The following PTPRN2 variants were observed in gnomAD, a reference collection of about 807,000 sequenced individuals.
PTPRN2 encodes the protein receptor-type tyrosine-protein phosphatase N2.
PTPRN2 carries 74 observed loss-of-function variants against 118.8 expected under a neutral mutation model. The observed-to-expected ratio is 0.62, with a 90% confidence interval of 0.52 to 0.76. The LOEUF is 0.76. PTPRN2 is among the 30% of genes least tolerant of loss of function. The pLI, the probability that PTPRN2 is intolerant of heterozygous loss-of-function variation, is 0.00. For synonymous variants in PTPRN2, 641 were observed against 608.0 expected (o/e 1.05, Z -0.80); for missense variants, 1,481 against 1,394.4 (o/e 1.06, Z -0.99).
At chr7:157,937,134 CAAT>C (rs2128786487) in intron 11 of PTPRN2, among the ~76,000 whole-genome samples, 1 of 152,314 alleles carries the variant, frequency 6.6e-6, no homozygotes, top group East Asian at 1.9e-4. Context: ...GTGGGTCTGA[CAAT>C]ATCTTTATGC....
At chr7:158,072,409 G>A (rs1585346704) in intron 11 of PTPRN2, among the ~76,000 whole-genome samples, 2 of 152,170 alleles carry the variant, frequency 1.3e-5, no homozygotes, top group African/African-American at 2.4e-5. Context: ...GGGAGGAAAA[G>A]TGCAAAGAAT....
chr7:158,119,089 TAAAGG>T (rs1171467936), intron 9 of PTPRN2, among the ~76,000 whole-genome samples: 3 of 152,178 alleles, frequency 2.0e-5, no homozygotes, highest in Non-Finnish European at 2.9e-5. Context: ...TTTTGACTAT[TAAAGG>T]AAAGTAAAAT....
rs1417317002 is a variant in PTPRN2 at position 157,737,539 on chromosome 7, CCT to C, written c.1789-54604_1789-54603del. The stretch of plus-strand genomic sequence containing the variant: ...GAGGGCTGAGCTTCCCTGGTTATCC[CCT>C]GAGGCGAGGACGCAGCAGCAAGTTC... On this transcript the variant is annotated intron_variant, in intron 12 of 22. Coordinates refer to ENST00000389418, the MANE Select transcript of PTPRN2 (RefSeq NM_002847.5). Among the ~76,000 whole-genome samples the C allele has an allele frequency of 1.2e-4, 19 of 152,254 alleles. 1 individual carries two copies. Among genetic ancestry groups the C allele is most frequent in the Admixed American group, 3.3e-4 (5 of 15,292 alleles).
intron 12 of PTPRN2, among the ~76,000 whole-genome samples, chr7:157,758,192 T>C (rs537737563): frequency 5.3e-5 from 8 of 152,310 alleles, no homozygotes; most frequent in Admixed American, 2.6e-4. Context: ...AAAGGGCCGG[T>C]GTCGTAATTG....
chr7:158,529,720 G>A lies in PTPRN2; in HGVS notation c.113-39935C>T, dbSNP rs746374419. 1.1e-4 allele frequency among the ~76,000 whole-genome samples: 17 copies of A among 152,146 alleles called. No individual in the cohort carries two copies. The highest frequency in any genetic ancestry group is 2.1e-4 in the Non-Finnish European group (14 of 68,036). On this transcript the variant is annotated intron_variant, in intron 1 of 22. Coordinates refer to ENST00000389418, the MANE Select transcript of PTPRN2 (RefSeq NM_002847.5). This position sits in a 1 kb window ranked among gnomAD's most constrained non-coding sequence, Gnocchi z 4.7. Reference sequence around the variant, plus strand: ...GCTGTGTCCACCAGCCCCAGGGGCTGTGGGGAGGGGCGGTCACCAGAAGGG... The same window carrying A: ...GCTGTGTCCACCAGCCCCAGGGGCTATGGGGAGGGGCGGTCACCAGAAGGG...
intron 6 of PTPRN2, among the ~76,000 whole-genome samples, chr7:158,156,281 T>A (rs1821811132): frequency 6.6e-6 from 1 of 152,202 alleles, no homozygotes; most frequent in Non-Finnish European, 1.5e-5. Context: ...GCTCTGGCAT[T>A]AATGACATGA....
chr7:158,025,704 A>G (rs1807210499), intron 11 of PTPRN2, among the ~76,000 whole-genome samples: 1 of 152,242 alleles, frequency 6.6e-6, no homozygotes, highest in African/African-American at 2.4e-5. Flanking sequence ...GAAACATAAA[A>G]TATTGAACAA....
chr7:157,540,841 G>A lies in PTPRN2; in HGVS notation c.2977-56C>T, dbSNP rs111540190. ...TGAGAGCGGCGTCCCCCCGACTCCT[G>A]CCACAGCGTCGGCTCCCTGCAGATG... On this transcript the variant is annotated intron_variant, in intron 22 of 22. Coordinates refer to ENST00000389418, the MANE Select transcript of PTPRN2 (RefSeq NM_002847.5). 42 of 1,412,990 alleles carry A rather than the reference G, an allele frequency of 3.0e-5. 1 individual carries two copies. In the African/African-American group the frequency reaches 3.4e-4, roughly 12 times the overall value. The allele number at this position is 1,412,990 out of a possible 1,614,324, so 87.5% of individuals were successfully genotyped here.
chr7:158,519,054 T>G (rs1823786223), intron 1 of PTPRN2, among the ~76,000 whole-genome samples: 1 of 152,166 alleles, frequency 6.6e-6, no homozygotes, highest in Non-Finnish European at 1.5e-5. Context: ...CAGTTTGCAC[T>G]GAGCTCCCTT....
intron 11 of PTPRN2, among the ~76,000 whole-genome samples, chr7:158,011,167 C>T (rs1283981785): frequency 6.6e-6 from 1 of 152,234 alleles, no homozygotes; most frequent in Non-Finnish European, 1.5e-5. Flanking sequence ...AAAACCCCAC[C>T]TGGGTCTGTA....
intron 3 of PTPRN2, among the ~76,000 whole-genome samples, chr7:158,225,968 G>A (rs990312252): frequency 6.6e-6 from 1 of 152,036 alleles, no homozygotes; most frequent in Non-Finnish European, 1.5e-5. Context: ...AGGAAGCACC[G>A]GTGCATCTGT....
chr7:158,105,518 C>T (rs115412537), intron 10 of PTPRN2, among the ~76,000 whole-genome samples: 80 of 151,946 alleles, frequency 5.3e-4, no homozygotes, highest in African/African-American at 1.8e-3. Flanking sequence ...AGATTCCATC[C>T]CAGCTCTACC....
At chr7:158,064,356 C>T (rs895544903) in intron 11 of PTPRN2, among the ~76,000 whole-genome samples, 3 of 152,108 alleles carry the variant, frequency 2.0e-5, no homozygotes, top group Admixed American at 6.5e-5. Flanking sequence ...GTTACCCAGA[C>T]GACCAAGACG....
At chr7:158,511,233 G>A (rs912551156) in intron 1 of PTPRN2, among the ~76,000 whole-genome samples, 6 of 152,108 alleles carry the variant, frequency 3.9e-5, no homozygotes, top group Non-Finnish European at 7.4e-5. Context: ...GAGGCAGCTG[G>A]ATGCGCTGGT....
At chr7:158,266,061 G>T (rs887247642) in intron 3 of PTPRN2, among the ~76,000 whole-genome samples, 1 of 151,430 alleles carries the variant, frequency 6.6e-6, no homozygotes, top group African/African-American at 2.4e-5. Context: ...GGCTGGGGAC[G>T]GCGTCTGCTG....
chr7:158,265,063 C>T (rs1237744703), intron 3 of PTPRN2, among the ~76,000 whole-genome samples: 1 of 152,112 alleles, frequency 6.6e-6, no homozygotes, highest in African/African-American at 2.4e-5. Flanking sequence ...CCCCAGGTCA[C>T]TTTCTATCTG....
At chr7:158,001,803 G>A (rs1403461902) in intron 11 of PTPRN2, among the ~76,000 whole-genome samples, 4 of 152,198 alleles carry the variant, frequency 2.6e-5, no homozygotes, top group Non-Finnish European at 4.4e-5. Context: ...ATGAGTCTGC[G>A]TGACTGGCTG....
At chr7:158,273,774 A>AGGAGCCGCAGACACGG in intron 3 of PTPRN2, among the ~76,000 whole-genome samples, 1 of 89,614 alleles carries the variant, frequency 1.1e-5, no homozygotes, top group Non-Finnish European at 2.2e-5. Context: ...CAGACATGGG[A>AGGAGCCGCAGACACGG]GGAGCCGCAG....
At position 158,071,438 on chromosome 7, in the gene PTPRN2, GGTGGAGGTGCTCGTGGTT is replaced by G. The variant is rs1158846555; in HGVS notation, c.1723+9842_1723+9859del. 2.0e-3 allele frequency among the ~76,000 whole-genome samples: 253 copies of G among 126,508 alleles called. 10 individuals are homozygous for G. Among genetic ancestry groups the G allele is most frequent in the Admixed American group, 6.0e-3 (80 of 13,334 alleles). The allele number at this position is 126,508 out of a possible 152,430, so 83.0% of individuals were successfully genotyped here. On this transcript the variant is annotated intron_variant, in intron 11 of 22. Coordinates refer to ENST00000389418, the MANE Select transcript of PTPRN2 (RefSeq NM_002847.5). ...TCCTGGTGGTGGAGGTGCTCGTGGTGGTGGAGGTGCTCGTGGTTGAGGTGCTCGTGGTGGTGGAGGTTC... is the reference window on the plus strand; with the variant it reads ...TCCTGGTGGTGGAGGTGCTCGTGGTGGAGGTGCTCGTGGTGGTGGAGGTTC...
Sources: gnomAD v4.1 joint callset for allele counts (sites outside exome capture counted in the v4.1 genomes callset) on GRCh38, gnomAD v4.1.1 for gene constraint, Gnocchi (gnomAD v3.1) non-coding constraint, MANE v1.5 for transcripts, NCBI Gene and HGNC (gene_info 2026-07-23, HGNC 2026-07-21) for gene names.